The following RANBP2 variants were observed in gnomAD, a reference collection of about 807,000 sequenced individuals.
RANBP2 encodes the protein E3 SUMO-protein ligase RanBP2.
RANBP2 carries 57 observed loss-of-function variants against 303.6 expected under a neutral mutation model. The observed-to-expected ratio is 0.19, with a 90% CI of 0.15 to 0.23. The LOEUF is 0.23. Among genes scored for constraint, RANBP2 ranks in the 10% least tolerant of loss-of-function variants. The pLI, the probability that RANBP2 is intolerant of heterozygous loss-of-function variation, is 1.00. For synonymous variants in RANBP2, 1,167 were observed against 1,301.5 expected (o/e 0.90, Z 2.23); for missense variants, 3,138 against 3,780.8 (o/e 0.83, Z 4.46).
chr2:108,751,741 C>T (rs529687798), intron 11 of RANBP2, 38 bp downstream of exon 11: 1,158 of 1,611,444 alleles, frequency 7.2e-4, no homozygotes, highest in Non-Finnish European at 9.2e-4. Flanking sequence ...TCACTTAGTG[C>T]GTAGGTTTTA....
At chr2:108,888,090 T>G in the RANBP2 span, among the ~76,000 whole-genome samples, 1 of 152,204 alleles carries the variant, frequency 6.6e-6, no homozygotes, top group African/African-American at 2.4e-5. Flanking sequence ...TTGAATTTTT[T>G]AAAATGCTTT....
At chr2:109,571,231 T>C in the RANBP2 span, among the ~76,000 whole-genome samples, 1 of 152,230 alleles carries the variant, frequency 6.6e-6, no homozygotes, top group Admixed American at 6.5e-5. Flanking sequence ...TTAAACCTCT[T>C]TTCTTCATAA....
chr2:109,734,248 T>G, the RANBP2 span, among the ~76,000 whole-genome samples: 1 of 151,730 alleles, frequency 6.6e-6, no homozygotes, highest in African/African-American at 2.4e-5. Context: ...ATATAATCCT[T>G]TGTATACAAA....
intron 1 of RANBP2, among the ~76,000 whole-genome samples, chr2:108,727,257 G>T (rs1694796243): frequency 6.6e-6 from 1 of 152,044 alleles, no homozygotes; most frequent in Non-Finnish European, 1.5e-5. Context: ...ACTTAGGAAA[G>T]AAAAAAGATC....
chr2:109,274,658 C>T, the RANBP2 span, among the ~76,000 whole-genome samples: 3 of 152,214 alleles, frequency 2.0e-5, no homozygotes, highest in East Asian at 1.9e-4. Context: ...AATTACTTCA[C>T]GGGGGTAGGG....
chr2:108,759,130 T>A (rs1433158088), intron 18 of RANBP2, among the ~76,000 whole-genome samples: 1 of 151,594 alleles, frequency 6.6e-6, no homozygotes, highest in Non-Finnish European at 1.5e-5. Flanking sequence ...GGCGTGGGTG[T>A]GTATCAGACA....
At chr2:109,190,861 G>T in the RANBP2 span, among the ~76,000 whole-genome samples, 11 of 151,928 alleles carry the variant, frequency 7.2e-5, no homozygotes, top group African/African-American at 2.7e-4. Flanking sequence ...AGCACTTACT[G>T]TATGTAAAGC....
At chr2:108,839,406 A>G in the RANBP2 span, 1 of 945,936 alleles carries the variant, frequency 1.1e-6, no homozygotes, top group South Asian at 2.2e-5. Context: ...GTATTTCAGA[A>G]TAATCTTCCC....
At chr2:109,253,910 G>T in the RANBP2 span, among the ~76,000 whole-genome samples, 1 of 152,106 alleles carries the variant, frequency 6.6e-6, no homozygotes, top group Non-Finnish European at 1.5e-5. Context: ...CTTTCTAAAA[G>T]CATGGAAGTC....
the RANBP2 span, among the ~76,000 whole-genome samples, chr2:109,229,087 C>T: frequency 6.6e-6 from 1 of 152,180 alleles, no homozygotes; most frequent in African/African-American, 2.4e-5. Flanking sequence ...GAACCTCAAT[C>T]AAAGACCAAA....
At chr2:109,360,125 G>C in the RANBP2 span, among the ~76,000 whole-genome samples, 1 of 151,636 alleles carries the variant, frequency 6.6e-6, no homozygotes, top group African/African-American at 2.4e-5. Context: ...CATAGGTAGA[G>C]ACTGAAAGCC....
At chr2:109,577,327 T>A in the RANBP2 span, among the ~76,000 whole-genome samples, 3 of 152,136 alleles carry the variant, frequency 2.0e-5, no homozygotes, top group Admixed American at 2.0e-4. Context: ...CCGGGCATGG[T>A]GGCTCACTGT....
At chr2:109,656,028 C>G in the RANBP2 span, among the ~76,000 whole-genome samples, 3 of 152,206 alleles carry the variant, frequency 2.0e-5, no homozygotes, top group African/African-American at 7.2e-5. Flanking sequence ...TCTTCTAAGT[C>G]TAGTTCAAGT....
At chr2:109,318,438 C>A in the RANBP2 span, among the ~76,000 whole-genome samples, 1 of 152,164 alleles carries the variant, frequency 6.6e-6, no homozygotes, top group East Asian at 1.9e-4. Flanking sequence ...TGTGAGGCCT[C>A]CTCTCAAAGC....
At chr2:108,869,362 C>T in the RANBP2 span, among the ~76,000 whole-genome samples, 1 of 152,172 alleles carries the variant, frequency 6.6e-6, no homozygotes, top group African/African-American at 2.4e-5. Context: ...GTTCTCCATT[C>T]CCTTCCTCAG....
the RANBP2 span, among the ~76,000 whole-genome samples, chr2:109,147,905 A>G: frequency 6.6e-6 from 1 of 152,206 alleles, no homozygotes; most frequent in Non-Finnish European, 1.5e-5. Flanking sequence ...GTTTATAGTT[A>G]TTGATTGGCA....
the RANBP2 span, among the ~76,000 whole-genome samples, chr2:108,797,962 ATTT>A: frequency 7.1e-6 from 1 of 141,232 alleles, no homozygotes. Flanking sequence ...ACGGTGTGTG[ATTT>A]TTTTTTTTTT....
At chr2:109,672,223 T>C in the RANBP2 span, among the ~76,000 whole-genome samples, 1 of 152,218 alleles carries the variant, frequency 6.6e-6, no homozygotes, top group Non-Finnish European at 1.5e-5. Context: ...AAGTTGTTAT[T>C]CAAGGAATCA....
chr2:108,795,524 C>T, the RANBP2 span, among the ~76,000 whole-genome samples: 16 of 152,170 alleles, frequency 1.1e-4, no homozygotes, highest in South Asian at 2.1e-4. Flanking sequence ...GTATGTAATG[C>T]GCAGTATCTG....
Sources: allele counts gnomAD v4.1 joint callset (sites outside exome capture counted in the v4.1 genomes callset), GRCh38; gene constraint gnomAD v4.1.1; transcripts MANE v1.5; gene names NCBI Gene and HGNC (gene_info 2026-07-23, HGNC 2026-07-21).